The following NKX6-1 variants were observed in gnomAD, a reference collection of about 807,000 sequenced individuals.
NKX6-1 encodes the protein homeobox protein Nkx-6.1.
NKX6-1 carries 11 observed loss-of-function variants against 24.9 expected under a neutral mutation model. The ratio of observed to expected loss-of-function variants is 0.44; its 90% CI spans 0.28 to 0.73. The LOEUF is 0.73. NKX6-1 is among the 30% of genes least tolerant of loss of function. NKX6-1 has a pLI of 0.15. For synonymous variants in NKX6-1, 277 were observed against 242.9 expected, an observed-to-expected ratio of 1.14 and a Z score of -1.31; for missense variants, 487 against 502.9, an observed-to-expected ratio of 0.97 and a Z score of 0.30.
intron 1 of NKX6-1, among the ~76,000 whole-genome samples, chr4:84,496,242 A>ATTT (rs746665259): frequency 6.9e-6 from 1 of 145,858 alleles, no homozygotes; most frequent in African/African-American, 2.5e-5. Flanking sequence ...GAATAACTAG[A>ATTT]TTTTTTTTTT....
In NKX6-1 at chr4:84,495,839, C is replaced by G. The variant is rs775313089; in HGVS notation, c.676G>C (p.Gly226Arg). ...CCGTCTTTGTCCAACAAAATGGATCCTTGATCTGTGAGAACCAATAAACAA... is the reference window on the plus strand; with the variant it reads ...CCGTCTTTGTCCAACAAAATGGATCGTTGATCTGTGAGAACCAATAAACAA... Reference protein sequence around the residue: ...DARLACTPHQGSILLDKDGKR... With the variant: ...DARLACTPHQRSILLDKDGKR... The change falls in exon 2 of 3, where the codon GGA becomes CGA. Residue 226 changes from glycine (G) to arginine (R), a missense_variant. By Grantham distance (125) the Gly-to-Arg change is moderately radical (BLOSUM62 -2). This residue lies in a region of NKX6-1 where 45 missense variants were observed against 86.0 expected (regional missense o/e 0.52). Coordinates refer to ENST00000295886, the MANE Select transcript of NKX6-1 (RefSeq NM_006168.3). The G allele has an allele frequency of 1.2e-6, 2 of 1,614,094 alleles. No individual in the cohort carries two copies. The highest frequency in any genetic ancestry group is 2.2e-5 in the South Asian group (2 of 91,082).
At position 84,498,163 on chromosome 4, in the gene NKX6-1, C is replaced by A; in HGVS notation, c.66G>T (p.Leu22=). The change falls in exon 1 of 3, where the codon CTG becomes CTT. Residue 22 remains leucine (L), a synonymous_variant. Transcript: ENST00000295886. ...QSAFLLSSPP[L]AALHSMAEMK... ...TCTCGGCCATGCTGTGCAGGGCGGC[C>A]AGGGGAGGGCTGCTGAGCAGGAATG... The A allele has an allele frequency of 7.7e-7, 1 of 1,296,432 alleles. No homozygotes were observed. Among genetic ancestry groups the A allele is most frequent in the Non-Finnish European group, 9.8e-7 (1 of 1,022,150 alleles). 80.3% of individuals were successfully genotyped at this position (1,296,432 alleles called of 1,614,324 possible). A position where few individuals can be genotyped will look rare whatever the true frequency, so the allele number is the denominator to read the frequency against.
Position 84,497,407 on chromosome 4 carries a change from G to T in NKX6-1, c.670+152C>A. 1 of 1,111,428 alleles carries T rather than the reference G, an allele frequency of 9.0e-7. No homozygotes were observed. The highest frequency in any genetic ancestry group is 1.1e-6 in the Non-Finnish European group (1 of 872,658). 68.8% of individuals were successfully genotyped at this position (1,111,428 alleles called of 1,614,324 possible). Reference sequence around the variant, plus strand: ...GCGAGAATCCCTTTCTGGAAGCCCTGGCCCAACCTAACTGGTGTGATTCCG... The same window carrying T: ...GCGAGAATCCCTTTCTGGAAGCCCTTGCCCAACCTAACTGGTGTGATTCCG... On this transcript the variant is annotated intron_variant, in intron 1 of 2. Coordinates refer to ENST00000295886, the MANE Select transcript of NKX6-1 (RefSeq NM_006168.3). The surrounding 1 kb of genome is among the most constrained non-coding windows in gnomAD (Gnocchi z 4.8).
chr4:84,497,488 G>C lies in NKX6-1; in HGVS notation c.670+71C>G, dbSNP rs890177913. The C allele has an allele frequency of 8.0e-7, 1 of 1,248,958 alleles. No individual in the cohort carries two copies. Among genetic ancestry groups the C allele is most frequent in the East Asian group, 3.2e-5 (1 of 31,710 alleles). 77.4% of individuals were successfully genotyped at this position (1,248,958 alleles called of 1,614,324 possible). ...GATGGACTGAGCGGCATGCACACCAGGGGCCGCGACCCGGGAGTGGGCAGA... is the reference window on the plus strand; with the variant it reads ...GATGGACTGAGCGGCATGCACACCACGGGCCGCGACCCGGGAGTGGGCAGA... On this transcript the variant is annotated intron_variant, in intron 1 of 2. Coordinates refer to ENST00000295886, the MANE Select transcript of NKX6-1 (RefSeq NM_006168.3). The surrounding 1 kb of genome is among the most constrained non-coding windows in gnomAD (Gnocchi z 4.8).
chr4:84,495,329 A>T (rs1423057627), intron 2 of NKX6-1, among the ~76,000 whole-genome samples: 1 of 152,254 alleles, frequency 6.6e-6, no homozygotes. Context: ...GAAGCTGTCT[A>T]ACTGGCCTGA....
At position 84,493,501 on chromosome 4, in the gene NKX6-1, C is replaced by T; in HGVS notation, c.892G>A (p.Glu298Lys). Reference protein sequence around the residue: ...RTKWRKKHAAEMATAKKKQDS... With the variant: ...RTKWRKKHAAKMATAKKKQDS... ...TGCTTCTTCTTGGCCGTGGCCATCT[C>T]GGCAGCGTGCTTCTTCCTCCACTTG... The change falls in exon 3 of 3, where the codon GAG (glutamate) becomes AAG (lysine). Residue 298 changes from glutamate (E) to lysine (K), a missense_variant. Physicochemically the swap from Glu to Lys is moderately conservative, Grantham distance 56. Coordinates refer to ENST00000295886, the MANE Select transcript of NKX6-1 (RefSeq NM_006168.3). This position sits in a 1 kb window ranked among gnomAD's most constrained non-coding sequence, Gnocchi z 5.1. The T allele has an allele frequency of 6.2e-7, 1 of 1,614,246 alleles. No individual in the cohort carries two copies. The highest frequency in any genetic ancestry group is 8.5e-7 in the Non-Finnish European group (1 of 1,180,050).
Position 84,498,007 on chromosome 4 carries a change from G to T in NKX6-1, c.222C>A (p.Pro74=). ...LGTHNPGGLK[P]PATGGLSSLG... ...GGGATGAGAGCCCCCCCGTGGCCGGGGGCTTCAGGCCGCCTGGGTTGTGGG... is the reference window on the plus strand; with the variant it reads ...GGGATGAGAGCCCCCCCGTGGCCGGTGGCTTCAGGCCGCCTGGGTTGTGGG... Residue 74 remains proline (P), a synonymous_variant, in exon 1 of 3, where the codon CCC becomes CCA. Transcript: ENST00000295886. 7.8e-7 allele frequency: 1 copy of T among 1,279,748 alleles called. No individual in the cohort carries two copies. Among genetic ancestry groups the T allele is most frequent in the Admixed American group, 3.4e-5 (1 of 29,498 alleles). The allele number at this position is 1,279,748 out of a possible 1,614,324, so 79.3% of individuals were successfully genotyped here. A position where few individuals can be genotyped will look rare whatever the true frequency, so the allele number is the denominator to read the frequency against.
At position 84,498,396 on chromosome 4, in the gene NKX6-1, C is replaced by T. The variant is rs1206206328; in HGVS notation, c.-168G>A. ...AAATGCCGCTGCCGGGAGTTGCTCGCCTAGCTGCGCAGCAGAGATGTCCAA... is the reference window on the plus strand; with the variant it reads ...AAATGCCGCTGCCGGGAGTTGCTCGTCTAGCTGCGCAGCAGAGATGTCCAA... On this transcript the variant is annotated 5_prime_UTR_variant, in exon 1 of 3. Transcript: ENST00000295886. 3.0e-6 allele frequency: 2 copies of T among 658,944 alleles called. No individual in the cohort carries two copies. Among genetic ancestry groups the T allele is most frequent in the Non-Finnish European group, 2.1e-6 (1 of 465,222 alleles). The allele number at this position is 658,944 out of a possible 1,614,324, so 40.8% of individuals were successfully genotyped here. A position where few individuals can be genotyped will look rare whatever the true frequency, so the allele number is the denominator to read the frequency against.
In NKX6-1 at chr4:84,497,407, G is replaced by A; in HGVS notation, c.670+152C>T. ...GCGAGAATCCCTTTCTGGAAGCCCT[G>A]GCCCAACCTAACTGGTGTGATTCCG... On this transcript the variant is annotated intron_variant, in intron 1 of 2. Coordinates refer to ENST00000295886, the MANE Select transcript of NKX6-1 (RefSeq NM_006168.3). This position sits in a 1 kb window ranked among gnomAD's most constrained non-coding sequence, Gnocchi z 4.8. 9.0e-7 allele frequency: 1 copy of A among 1,111,430 alleles called. No individual in the cohort carries two copies. The highest frequency in any genetic ancestry group is 3.2e-5 in the East Asian group (1 of 31,074). 68.8% of individuals were successfully genotyped at this position (1,111,430 alleles called of 1,614,324 possible). A position where few individuals can be genotyped will look rare whatever the true frequency, so the allele number is the denominator to read the frequency against.
chr4:84,495,865 CGA>C (rs1362419317), intron 1 of NKX6-1, 21 bp from the exon 2 acceptor site: 2 of 1,611,326 alleles, frequency 1.2e-6, no homozygotes, highest in East Asian at 2.2e-5. Context: ...CAATAAACAA[CGA>C]GAGAGGGGGA....
At position 84,498,076 on chromosome 4, in the gene NKX6-1, C is replaced by T. The variant is rs532895545; in HGVS notation, c.153G>A (p.Ser51=). The T allele has an allele frequency of 1.9e-4, 217 of 1,122,186 alleles. 1 individual carries two copies. Among genetic ancestry groups the T allele is most frequent in the Non-Finnish European group, 1.6e-4 (144 of 925,084 alleles). The allele number at this position is 1,122,186 out of a possible 1,614,324, so 69.5% of individuals were successfully genotyped here. A position where few individuals can be genotyped will look rare whatever the true frequency, so the allele number is the denominator to read the frequency against. ...GCGACGAGGAGGACGACGACGAGGA[C>T]GAGGAGGAGGGGGGGCCGGCAGGCA... The part of the protein sequence containing the change: ...PPLPAGPPSS[S]SSSSSSSSPS... Residue 51 remains serine (S), a synonymous_variant, in exon 1 of 3, where the codon TCG becomes TCA. Coordinates refer to ENST00000295886, the MANE Select transcript of NKX6-1 (RefSeq NM_006168.3).
chr4:84,495,498 T>C (rs975512438), intron 2 of NKX6-1, among the ~76,000 whole-genome samples, 174 bp downstream of exon 2: 1 of 152,228 alleles, frequency 6.6e-6, no homozygotes, highest in Non-Finnish European at 1.5e-5. Context: ...CCAGCGCCTT[T>C]GTAGTCCCCA....
Position 84,493,975 on chromosome 4 carries a change from G to C in NKX6-1, c.844-426C>G, listed in dbSNP as rs1248922516. On this transcript the variant is annotated intron_variant, in intron 2 of 2. Coordinates refer to ENST00000295886, the MANE Select transcript of NKX6-1 (RefSeq NM_006168.3). This position sits in a 1 kb window ranked among gnomAD's most constrained non-coding sequence, Gnocchi z 5.1. ...TTCCTTATTTACTTTCTTAAATTAA[G>C]AAATTTCAAACAACCTGACACGTAC... Among the ~76,000 whole-genome samples the C allele has an allele frequency of 6.6e-6, 1 of 152,114 alleles. No individual in the cohort carries two copies. The highest frequency in any genetic ancestry group is 1.5e-5 in the Non-Finnish European group (1 of 68,012).
intron 2 of NKX6-1, among the ~76,000 whole-genome samples, chr4:84,494,366 CAA>C (rs1455584815): frequency 6.6e-6 from 1 of 152,120 alleles, no homozygotes; most frequent in African/African-American, 2.4e-5. Flanking sequence ...TGTTCCTGCT[CAA>C]GACATTTAAT....
At position 84,495,682 on chromosome 4, in the gene NKX6-1, C is replaced by G; in HGVS notation, c.833G>C (p.Ser278Thr). The G allele has an allele frequency of 6.2e-7, 1 of 1,612,322 alleles. No individual in the cohort carries two copies. Among genetic ancestry groups the G allele is most frequent in the Non-Finnish European group, 8.5e-7 (1 of 1,179,956 alleles). Residue 278 changes from serine to threonine, a missense_variant, in exon 2 of 3, where the codon AGT becomes ACT. By Grantham distance (58) the Ser-to-Thr change is moderately conservative. Coordinates refer to ENST00000295886, the MANE Select transcript of NKX6-1 (RefSeq NM_006168.3). ...RLAYSLGMTE[S>T]QVKVWFQNRR... The stretch of plus-strand genomic sequence containing the variant: ...GCAAGGTCCACTCACCTTGACCTGA[C>G]TCTCTGTCATCCCCAACGAATAGGC...
At chr4:84,495,589 GT>G in intron 2 of NKX6-1, 82 bp downstream of exon 2, 3 of 1,125,650 alleles carry the variant, frequency 2.7e-6, no homozygotes, top group Non-Finnish European at 3.9e-6. Flanking sequence ...TTTGGGGTGT[GT>G]GTGTGTGTGT....
chr4:84,498,377 C>A lies in NKX6-1; in HGVS notation c.-149G>T, dbSNP rs999000647. The A allele has an allele frequency of 2.3e-6, 2 of 866,732 alleles. No homozygotes were observed. The highest frequency in any genetic ancestry group is 1.7e-5 in the African/African-American group (1 of 57,620). The allele number at this position is 866,732 out of a possible 1,614,324, so 53.7% of individuals were successfully genotyped here. On this transcript the variant is annotated 5_prime_UTR_variant, in exon 1 of 3. Transcript: ENST00000295886. ...GAGCTGCCAACTGAACCAAAAATGC[C>A]GCTGCCGGGAGTTGCTCGCCTAGCT...
chr4:84,497,347 G>A lies in NKX6-1; in HGVS notation c.670+212C>T, dbSNP rs1012571428. On this transcript the variant is annotated intron_variant, in intron 1 of 2. Transcript: ENST00000295886. This position sits in a 1 kb window ranked among gnomAD's most constrained non-coding sequence, Gnocchi z 4.8. ...GGCGTACTCAAGACTTAGAGAGAGG[G>A]AGGCGCTTGGATACAGCCACGCGAG... 1.3e-5 allele frequency among the ~76,000 whole-genome samples: 2 copies of A among 152,196 alleles called. No individual in the cohort carries two copies. The highest frequency in any genetic ancestry group is 4.8e-5 in the African/African-American group (2 of 41,454).
rs1720853784 is a variant in NKX6-1 at position 84,497,856 on chromosome 4, A to G, written c.373T>C (p.Ser125Pro). ...LPSASPSGSSSSSSSSASASS... is the reference protein window; with the variant it reads ...LPSASPSGSSPSSSSSASASS... The stretch of plus-strand genomic sequence containing the variant: ...GCAGAGGCGGACGAGGAAGAGGAGG[A>G]GGAGGAACCGGAGGGCGAGGCGGAG... Residue 125 changes from serine (S) to proline (P), a missense_variant, in exon 1 of 3, where the codon TCC (serine) becomes CCC (proline). Physicochemically the swap from Ser to Pro is moderately conservative, Grantham distance 74 (BLOSUM62 -1). Transcript: ENST00000295886. This position sits in a 1 kb window ranked among gnomAD's most constrained non-coding sequence, Gnocchi z 4.8. 1 of 1,275,332 alleles carries G rather than the reference A, an allele frequency of 7.8e-7. No individual in the cohort carries two copies. The highest frequency in any genetic ancestry group is 2.7e-4 in the Middle Eastern group (1 of 3,718). The allele number at this position is 1,275,332 out of a possible 1,614,324, so 79.0% of individuals were successfully genotyped here.
Sources: allele counts gnomAD v4.1 joint callset (sites outside exome capture counted in the v4.1 genomes callset), GRCh38; gene constraint gnomAD v4.1.1; regional missense constraint gnomAD v4.1.1; non-coding constraint Gnocchi (gnomAD v3.1); transcripts MANE v1.5; gene names NCBI Gene and HGNC (gene_info 2026-07-23, HGNC 2026-07-21).